The following TRAF3 variants were observed in gnomAD, a reference collection of about 807,000 sequenced individuals.
TRAF3 encodes the protein TNF receptor associated factor 3.
In TRAF3, 13 loss-of-function variants were observed where a neutral mutation model predicts 62.3. The ratio of observed to expected loss-of-function variants is 0.21; its 90% CI spans 0.14 to 0.33. The LOEUF is 0.33. Among genes scored for constraint, TRAF3 ranks in the 10% least tolerant of loss-of-function variants. The pLI, the probability that TRAF3 is intolerant of heterozygous loss-of-function variation, is 1.00. For missense variants in TRAF3, 440 were observed against 741.8 expected, an observed-to-expected ratio of 0.59 and a Z score of 4.73; for synonymous variants, 269 against 283.4, an observed-to-expected ratio of 0.95 and a Z score of 0.51.
chr14:102,796,225 A>T (rs1898076637), intron 1 of TRAF3, among the ~76,000 whole-genome samples: 1 of 152,176 alleles, frequency 6.6e-6, no homozygotes, highest in Non-Finnish European at 1.5e-5. Context: ...AAAACAAACA[A>T]ACAAACACTC....
In TRAF3 at chr14:102,798,926, A is replaced by G. The variant is rs142757742; in HGVS notation, c.-157+21251A>G. 5.4e-3 allele frequency among the ~76,000 whole-genome samples: 817 copies of G among 152,338 alleles called. 6 individuals are homozygous for G. Among genetic ancestry groups the G allele is most frequent in the Admixed American group, 9.9e-3 (151 of 15,304 alleles). On this transcript the variant is annotated intron_variant, in intron 1 of 11. Coordinates refer to ENST00000392745, the MANE Select transcript of TRAF3 (RefSeq NM_145725.3). ...AACGTGACACTTTATGAAGGAGGCAATAGAACAAAAAAAGGACAAATTACA... is the reference window on the plus strand; with the variant it reads ...AACGTGACACTTTATGAAGGAGGCAGTAGAACAAAAAAAGGACAAATTACA...
chr14:102,849,327 G>C (rs531800906), intron 2 of TRAF3, among the ~76,000 whole-genome samples: 4 of 152,350 alleles, frequency 2.6e-5, no homozygotes, highest in East Asian at 3.9e-4. Flanking sequence ...GAGAAGTGCT[G>C]CCTGCACTTG....
chr14:102,876,842 G>T (rs577470328), intron 6 of TRAF3, among the ~76,000 whole-genome samples: 3 of 143,234 alleles, frequency 2.1e-5, no homozygotes. Flanking sequence ...CAGGCCTTCC[G>T]CTCAGTTCAT....
intron 1 of TRAF3, among the ~76,000 whole-genome samples, chr14:102,786,801 A>G (rs1016509899): frequency 2.6e-5 from 4 of 152,214 alleles, no homozygotes; most frequent in African/African-American, 9.6e-5. Context: ...CCTGGGCAAC[A>G]TAGTGTTATA....
intron 3 of TRAF3, among the ~76,000 whole-genome samples, chr14:102,871,709 C>T (rs533111692): frequency 6.6e-6 from 1 of 152,230 alleles, no homozygotes. Context: ...TTGGTAACTT[C>T]CTTTTGAAAA....
chr14:102,818,981 C>T (rs1056063012), intron 1 of TRAF3, among the ~76,000 whole-genome samples: 8 of 151,390 alleles, frequency 5.3e-5, no homozygotes, highest in African/African-American at 1.9e-4. Context: ...TTACAAGAGG[C>T]TGAGGTGAGG....
intron 1 of TRAF3, among the ~76,000 whole-genome samples, chr14:102,780,996 C>G (rs1204331490): frequency 2.0e-5 from 3 of 152,130 alleles, no homozygotes; most frequent in African/African-American, 7.2e-5. Flanking sequence ...TTTCTCCCAC[C>G]AGGAAGAAAC....
intron 10 of TRAF3, among the ~76,000 whole-genome samples, chr14:102,899,599 C>T (rs1890175040): frequency 6.6e-6 from 1 of 152,182 alleles, no homozygotes; most frequent in Admixed American, 6.5e-5. Flanking sequence ...CCCTTCCTGG[C>T]CAGCTCCAGG....
intron 7 of TRAF3, 50 bp downstream of exon 7, chr14:102,886,319 G>A (rs776960652): frequency 2.2e-5 from 34 of 1,514,620 alleles, no homozygotes; most frequent in Admixed American, 3.6e-5. Context: ...TCAGGGCTGC[G>A]TGCCTGGCTC....
chr14:102,876,307 A>G (rs1234865988), intron 5 of TRAF3, 51 bp from the exon 6 acceptor site: 42 of 1,598,610 alleles, frequency 2.6e-5, no homozygotes, highest in Non-Finnish European at 3.0e-5. Context: ...CTGGTATTTC[A>G]GATTTAGGGT....
chr14:102,886,497 TGTAATCCCA>T (rs1249884825), intron 7 of TRAF3, among the ~76,000 whole-genome samples: 1 of 152,138 alleles, frequency 6.6e-6, no homozygotes, highest in Non-Finnish European at 1.5e-5. Context: ...GGCTCACACC[TGTAATCCCA>T]GCACTTTTGG....
chr14:102,869,983 T>C (rs894064587), intron 2 of TRAF3, among the ~76,000 whole-genome samples: 6 of 152,002 alleles, frequency 3.9e-5, no homozygotes, highest in Non-Finnish European at 8.8e-5. Flanking sequence ...ATATCAATAG[T>C]TACTATGTGT....
At chr14:102,855,393 A>G (rs2139752538) in intron 2 of TRAF3, among the ~76,000 whole-genome samples, 1 of 152,272 alleles carries the variant, frequency 6.6e-6, no homozygotes, top group South Asian at 2.1e-4. Context: ...TAACTTTTTG[A>G]GGAACTGCCA....
rs576519913 is a variant in TRAF3 at position 102,901,757 on chromosome 14, G to T, written c.961-1498G>T. Among the ~76,000 whole-genome samples the T allele has an allele frequency of 1.1e-4, 17 of 152,328 alleles. 1 individual carries two copies. Among genetic ancestry groups the T allele is most frequent in the Middle Eastern group, 6.8e-3 (2 of 294 alleles). On this transcript the variant is annotated intron_variant, in intron 10 of 11. Transcript: ENST00000392745. ...GCTTTTACGCCCAAAAAGCCACCCA[G>T]ACCTGTCATGTTTGTGTCTTTGTGG... is the stretch of plus-strand genomic sequence containing the variant.
intron 11 of TRAF3, 49 bp from the exon 12 acceptor site, chr14:102,905,164 C>G (rs1890524159): frequency 6.4e-7 from 1 of 1,566,840 alleles, no homozygotes; most frequent in Non-Finnish European, 8.7e-7. Context: ...TTCCTAACCT[C>G]TCTGACGTTC....
rs748039383 is a variant in TRAF3 at position 102,903,306 on chromosome 14, C to T, written c.1012C>T (p.Arg338Trp). Residue 338 changes from arginine to tryptophan, a missense_variant, in exon 11 of 12, where the codon CGG (arginine) becomes TGG (tryptophan). By Grantham distance (101) the Arg-to-Trp change is moderately radical. Transcript: ENST00000392745. This position sits in a 1 kb window ranked among gnomAD's most constrained non-coding sequence, Gnocchi z 6.4. The part of the protein sequence containing the change: ...EKLKELDKEI[R>W]PFRQNWEEAD... ...ACTGAAGGAGCTTGACAAGGAGATC[C>T]GGCCCTTCCGGCAGAACTGGGAGGA... 56 of 1,614,176 alleles carry T rather than the reference C, an allele frequency of 3.5e-5. No individual in the cohort carries two copies. The Middle Eastern group carries it at 8.2e-4, about 24-fold the overall frequency.
intron 1 of TRAF3, among the ~76,000 whole-genome samples, chr14:102,801,311 C>G (rs1373938945): frequency 6.6e-6 from 1 of 151,952 alleles, no homozygotes; most frequent in East Asian, 1.9e-4. Context: ...CCTCAGACTT[C>G]CCTGGAGTGT....
intron 1 of TRAF3, among the ~76,000 whole-genome samples, chr14:102,800,465 C>G (rs575248071): frequency 6.6e-6 from 1 of 152,164 alleles, no homozygotes; most frequent in Non-Finnish European, 1.5e-5. Context: ...AGTTATTTGG[C>G]CTTTCTGAAC....
chr14:102,850,690 A>T (rs1886983128), intron 2 of TRAF3, among the ~76,000 whole-genome samples: 1 of 143,736 alleles, frequency 7.0e-6, no homozygotes, highest in Non-Finnish European at 1.5e-5. Context: ...ACTCCGTCTA[A>T]AAAAAAAAAA....
Sources: allele counts gnomAD v4.1 joint callset (sites outside exome capture counted in the v4.1 genomes callset), GRCh38; gene constraint gnomAD v4.1.1; non-coding constraint Gnocchi (gnomAD v3.1); transcripts MANE v1.5; gene names NCBI Gene and HGNC (gene_info 2026-07-23, HGNC 2026-07-21).